Variants in PLAGL1 observed in about 807,000 individuals in gnomAD.
PLAGL1 encodes PLAG1 like zinc finger 1, also known as zinc finger protein PLAGL1.
A neutral mutation model predicts 4.6 loss-of-function variants in PLAGL1; 1 was observed. The ratio of observed to expected loss-of-function variants is 0.22; its 90% CI spans 0.08 to 1.03. The LOEUF (loss-of-function observed/expected upper bound fraction) is 1.03. Among genes scored for constraint, PLAGL1 ranks in the 50% least tolerant of loss-of-function variants. The probability of loss-of-function intolerance (pLI) is 0.58; values close to 1 mark genes in which losing one functional copy is unlikely to be tolerated. For synonymous variants in PLAGL1, 240 were observed against 237.8 expected, an observed-to-expected ratio of 1.01 and a Z score of -0.08; for missense variants, 464 against 570.4, an observed-to-expected ratio of 0.81 and a Z score of 1.90.
At chr6:144,062,180 A>T (rs541924200) in intron 1 of PLAGL1, among the ~76,000 whole-genome samples, 7 of 152,254 alleles carry the variant, frequency 4.6e-5, no homozygotes, top group African/African-American at 1.7e-4. Context: ...GATGGAGACC[A>T]TCCTGGCTAA....
At chr6:144,019,535 A>T (rs1795820250) in intron 1 of PLAGL1, among the ~76,000 whole-genome samples, 1 of 152,174 alleles carries the variant, frequency 6.6e-6, no homozygotes, top group Non-Finnish European at 1.5e-5. Context: ...CTCAACATTG[A>T]ATAATAATAT....
At position 143,949,650 on chromosome 6, in the gene PLAGL1, T is replaced by G. The variant is rs142987853; in HGVS notation, c.-324-1190A>C. ...TGCTCACCTTTCAAGTGCCAATACT[T>G]AAAAAAATTAAGAGTACTGTATGCT... is the stretch of plus-strand genomic sequence containing the variant. On this transcript the variant is annotated intron_variant, in intron 6 of 7. Coordinates refer to ENST00000674357, the MANE Select transcript of PLAGL1 (RefSeq NM_001317162.2). The surrounding 1 kb of genome is among the most constrained non-coding windows in gnomAD (Gnocchi z 5.3). 5.2e-3 allele frequency among the ~76,000 whole-genome samples: 785 copies of G among 152,200 alleles called. 5 individuals carry two copies. The highest frequency in any genetic ancestry group is 0.018 in the African/African-American group (740 of 41,522).
At chr6:143,980,409 TTCAG>T (rs760930304) in intron 2 of PLAGL1, among the ~76,000 whole-genome samples, 354 of 150,670 alleles carry the variant, frequency 2.3e-3, no homozygotes, top group Non-Finnish European at 3.7e-3. Context: ...TTTTTTTCCA[TTCAG>T]TATCTCATTT....
In PLAGL1 at chr6:143,948,320, T is replaced by C; in HGVS notation, c.-184A>G. 1 of 567,962 alleles carries C rather than the reference T, an allele frequency of 1.8e-6. No individual in the cohort carries two copies. Among genetic ancestry groups the C allele is most frequent in the Non-Finnish European group, 3.2e-6 (1 of 314,992 alleles). 35.2% of individuals were successfully genotyped at this position (567,962 alleles called of 1,614,324 possible). A position where few individuals can be genotyped will look rare whatever the true frequency, so the allele number is the denominator to read the frequency against. ...CATGGACCTCTCAGCTGTCACTAGC[T>C]TTGCTTCCTGCTTTCACACATCCCA... On this transcript the variant is annotated 5_prime_UTR_variant, in exon 7 of 8. Transcript: ENST00000674357. This position sits in a 1 kb window ranked among gnomAD's most constrained non-coding sequence, Gnocchi z 6.0.
At chr6:143,951,629 T>C (rs1477900278) in intron 6 of PLAGL1, among the ~76,000 whole-genome samples, 3 of 152,352 alleles carry the variant, frequency 2.0e-5, no homozygotes, top group Middle Eastern at 3.4e-3. Flanking sequence ...CCAGCAGTCA[T>C]GGACATCACC....
chr6:143,988,935 C>A (rs1198966200), intron 1 of PLAGL1, among the ~76,000 whole-genome samples: 1 of 152,150 alleles, frequency 6.6e-6, no homozygotes, highest in Non-Finnish European at 1.5e-5. Context: ...TTTGGGGGGA[C>A]ACACACATTC....
At position 143,959,086 on chromosome 6, in the gene PLAGL1, C is replaced by T. The variant is rs1260496265; in HGVS notation, c.-325+1383G>A. On this transcript the variant is annotated intron_variant, in intron 6 of 7. Coordinates refer to ENST00000674357, the MANE Select transcript of PLAGL1 (RefSeq NM_001317162.2). This position sits in a 1 kb window ranked among gnomAD's most constrained non-coding sequence, Gnocchi z 5.3. ...CAGGCAGCTTTCATGTGCTGCTCTG[C>T]GCTCCCCGTCGCCCCGGAGGCCGGC... 2.0e-5 allele frequency among the ~76,000 whole-genome samples: 3 copies of T among 152,198 alleles called. No individual in the cohort carries two copies. Among genetic ancestry groups the T allele is most frequent in the South Asian group, 4.1e-4 (2 of 4,830 alleles).
At position 143,953,071 on chromosome 6, in the gene PLAGL1, T is replaced by C. The variant is rs1781401854; in HGVS notation, c.-324-4611A>G. Among the ~76,000 whole-genome samples, 2 of 152,208 alleles carry C rather than the reference T, an allele frequency of 1.3e-5. No homozygotes were observed. Among genetic ancestry groups the C allele is most frequent in the South Asian group, 4.1e-4 (2 of 4,834 alleles). On this transcript the variant is annotated intron_variant, in intron 6 of 7. Transcript: ENST00000674357. This position sits in a 1 kb window ranked among gnomAD's most constrained non-coding sequence, Gnocchi z 5.3. ...TGCTACTTTCTCTCACGCTTCTGGC[T>C]TTCTCCCTCCTGGAATGTCCTGGGA... is the stretch of plus-strand genomic sequence containing the variant.
rs1264541045 is a variant in PLAGL1 at position 144,015,386 on chromosome 6, G to A, written c.-150-46408C>T. ...ACCTAGGGATAGGCAGAGACTGGCT[G>A]GACAGGACACAAGAAGCAATGACCC... On this transcript the variant is annotated intron_variant, in intron 1 of 3. Coordinates refer to the PLAGL1 transcript ENST00000437412. The surrounding 1 kb of genome is among the most constrained non-coding windows in gnomAD (Gnocchi z 4.3). 3.3e-5 allele frequency among the ~76,000 whole-genome samples: 5 copies of A among 152,202 alleles called. No homozygotes were observed. The highest frequency in any genetic ancestry group is 6.8e-3 in the Middle Eastern group (2 of 294).
chr6:143,993,329 A>ACACACAC (rs779507833), intron 1 of PLAGL1, among the ~76,000 whole-genome samples: 25 of 66,836 alleles, frequency 3.7e-4, no homozygotes, highest in African/African-American at 9.5e-4. Context: ...AAAACAAAAC[A>ACACACAC]AAACACACAC....
chr6:144,023,624 G>A (rs2128700664), intron 1 of PLAGL1, among the ~76,000 whole-genome samples: 1 of 152,268 alleles, frequency 6.6e-6, no homozygotes, highest in East Asian at 1.9e-4. Context: ...TGCACAATGG[G>A]AATGGCCAAG....
At position 144,063,860 on chromosome 6, in the gene PLAGL1, G is replaced by C. The variant is rs1799623995; in HGVS notation, c.-151+608C>G. Among the ~76,000 whole-genome samples, 1 of 152,162 alleles carries C rather than the reference G, an allele frequency of 6.6e-6. No individual in the cohort carries two copies. Among genetic ancestry groups the C allele is most frequent in the East Asian group, 1.9e-4 (1 of 5,184 alleles). ...TCTCGAAATTATCCCGCGCGCCGCC[G>C]GTAATCCGGGGTGACGCCACGGCCC... On this transcript the variant is annotated intron_variant, in intron 1 of 3. Coordinates refer to the PLAGL1 transcript ENST00000437412. This position sits in a 1 kb window ranked among gnomAD's most constrained non-coding sequence, Gnocchi z 5.7.
At position 143,948,149 on chromosome 6, in the gene PLAGL1, T is replaced by G. The variant is rs750512755; in HGVS notation, c.-13A>C. 6.8e-5 allele frequency: 109 copies of G among 1,611,632 alleles called. No individual in the cohort carries two copies. The East Asian group carries it at 1.7e-3, about 25-fold the overall frequency. On this transcript the variant is annotated 5_prime_UTR_variant, in exon 7 of 8. Transcript: ENST00000674357. This position sits in a 1 kb window ranked among gnomAD's most constrained non-coding sequence, Gnocchi z 6.0. ...GGAACGTGGCCATGGGCTTTGCTTCTCACACCTTCCTTTTCAGATGTGCTG... is the reference window on the plus strand; with the variant it reads ...GGAACGTGGCCATGGGCTTTGCTTCGCACACCTTCCTTTTCAGATGTGCTG...
At chr6:144,009,926 C>T (rs11759634), upstream of PLAGL1, among the ~76,000 whole-genome samples, 25,830 of 152,106 alleles carry the variant, frequency 0.17, 2,392 homozygotes, top group Admixed American at 0.28. Context: ...CACCAATGGC[C>T]ATTTGGGTTG....
In PLAGL1 at chr6:143,968,149, T is replaced by C. The variant is rs1045334467; in HGVS notation, c.-472+758A>G. On this transcript the variant is annotated intron_variant, in intron 3 of 7. Transcript: ENST00000674357. The surrounding 1 kb of genome is among the most constrained non-coding windows in gnomAD (Gnocchi z 6.3). Reference sequence around the variant, plus strand: ...ATGGGACAGGGAAAAACAACAAACATGTTAGATATGAAATTTAAGGCTGGG... The same window carrying C: ...ATGGGACAGGGAAAAACAACAAACACGTTAGATATGAAATTTAAGGCTGGG... 1 of 152,022 alleles carries C rather than the reference T, an allele frequency of 6.6e-6. No homozygotes were observed. Among genetic ancestry groups the C allele is most frequent in the Non-Finnish European group, 1.5e-5 (1 of 68,000 alleles). 9.4% of individuals were successfully genotyped at this position (152,022 alleles called of 1,614,324 possible).
chr6:143,985,349 T>C lies in PLAGL1; in HGVS notation c.-583-175A>G, dbSNP rs1466083405. ...TACAATATCACAACCGATATGTTTATATTAATACCATCTACTAGTCTATCG... is the reference window on the plus strand; with the variant it reads ...TACAATATCACAACCGATATGTTTACATTAATACCATCTACTAGTCTATCG... On this transcript the variant is annotated intron_variant, in intron 1 of 7. Coordinates refer to ENST00000674357, the MANE Select transcript of PLAGL1 (RefSeq NM_001317162.2). This position sits in a 1 kb window ranked among gnomAD's most constrained non-coding sequence, Gnocchi z 4.4. Among the ~76,000 whole-genome samples, 1 of 152,210 alleles carries C rather than the reference T, an allele frequency of 6.6e-6. No homozygotes were observed. Among genetic ancestry groups the C allele is most frequent in the Non-Finnish European group, 1.5e-5 (1 of 68,042 alleles).
intron 1 of PLAGL1, among the ~76,000 whole-genome samples, chr6:144,057,587 C>T (rs529419582): frequency 2.0e-5 from 3 of 152,288 alleles, no homozygotes; most frequent in South Asian, 2.1e-4. Context: ...TCCAAACCCA[C>T]AAGCTGATAA....
intron 1 of PLAGL1, among the ~76,000 whole-genome samples, chr6:143,992,832 G>T (rs1277473155): frequency 1.3e-5 from 2 of 151,960 alleles, no homozygotes; most frequent in Non-Finnish European, 1.5e-5. Flanking sequence ...ACAAAAATTA[G>T]CTGGGTGTGG....
Position 143,942,730 on chromosome 6 carries a change from A to G in PLAGL1, c.153-67T>C, listed in dbSNP as rs1236638681. 1 of 1,142,286 alleles carries G rather than the reference A, an allele frequency of 8.8e-7. No individual in the cohort carries two copies. Among genetic ancestry groups the G allele is most frequent in the Non-Finnish European group, 1.3e-6 (1 of 799,338 alleles). 70.8% of individuals were successfully genotyped at this position (1,142,286 alleles called of 1,614,324 possible). A position where few individuals can be genotyped will look rare whatever the true frequency, so the allele number is the denominator to read the frequency against. ...AAGAGCTGAAGAAAGGTGTAGCAAC[A>G]ATATTATATCAAAATGTTAATAGTT... On this transcript the variant is annotated intron_variant, in intron 7 of 7. Coordinates refer to ENST00000674357, the MANE Select transcript of PLAGL1 (RefSeq NM_001317162.2). This position sits in a 1 kb window ranked among gnomAD's most constrained non-coding sequence, Gnocchi z 7.6.
Sources: gnomAD v4.1 joint callset for allele counts (sites outside exome capture counted in the v4.1 genomes callset) on GRCh38, gnomAD v4.1.1 for gene constraint, Gnocchi (gnomAD v3.1) non-coding constraint, MANE v1.5 for transcripts, NCBI Gene and HGNC (gene_info 2026-07-23, HGNC 2026-07-21) for gene names.